The following SH3GL2 variants were observed in gnomAD, a reference collection of about 807,000 sequenced individuals.
SH3GL2 encodes the protein SH3 domain containing GRB2 like 2, endophilin A1.
SH3GL2 carries 24 observed loss-of-function variants against 46.0 expected under a neutral mutation model. The observed-to-expected ratio is 0.52, with a 90% CI of 0.38 to 0.73. The LOEUF (loss-of-function observed/expected upper bound fraction) is 0.73, where lower values mean the gene tolerates loss of function less well. Ranked by LOEUF, SH3GL2 falls within the 30% of genes least tolerant of loss-of-function variation. SH3GL2 has a pLI of 0.00. For missense variants in SH3GL2, 413 were observed against 424.2 expected, an observed-to-expected ratio of 0.97 and a Z score of 0.23; for synonymous variants, 196 against 147.1, an observed-to-expected ratio of 1.33 and a Z score of -2.40.
chr9:17,599,949 T>C (rs1450758068), intron 1 of SH3GL2, among the ~76,000 whole-genome samples: 2 of 152,158 alleles, frequency 1.3e-5, no homozygotes, highest in Non-Finnish European at 2.9e-5. Flanking sequence ...TCTTTTTTTT[T>C]TTTCTAATCT....
At chr9:17,628,774 C>T (rs1416304006) in intron 1 of SH3GL2, among the ~76,000 whole-genome samples, 1 of 151,906 alleles carries the variant, frequency 6.6e-6, no homozygotes, top group African/African-American at 2.4e-5. Flanking sequence ...GGGTAAAATC[C>T]TGCCAACTGC....
At chr9:17,762,604 T>C (rs909515104) in intron 3 of SH3GL2, among the ~76,000 whole-genome samples, 2 of 152,158 alleles carry the variant, frequency 1.3e-5, no homozygotes, top group Non-Finnish European at 2.9e-5. Context: ...GTTGTTTTTG[T>C]TCATAAAACA....
chr9:17,744,814 A>T (rs1822632900), intron 1 of SH3GL2, among the ~76,000 whole-genome samples: 1 of 152,232 alleles, frequency 6.6e-6, no homozygotes, highest in African/African-American at 2.4e-5. Context: ...TATTGATGTC[A>T]GAAAAATCCT....
chr9:17,646,623 C>G (rs749459880), intron 1 of SH3GL2, among the ~76,000 whole-genome samples: 20 of 152,138 alleles, frequency 1.3e-4, no homozygotes, highest in Admixed American at 4.6e-4. Context: ...TTCCTTCTAA[C>G]AGACCTGTCT....
Position 17,769,022 on chromosome 9 carries a change from G to T in SH3GL2, c.187+7513G>T, listed in dbSNP as rs562589648. ...CAGGCACTATTGTTCATGGGGCCTG[G>T]CCAGCCCCTTTGCTTCAATCACTTC... On this transcript the variant is annotated intron_variant, in intron 3 of 8. Coordinates refer to ENST00000380607, the MANE Select transcript of SH3GL2 (RefSeq NM_003026.5). Among the ~76,000 whole-genome samples the T allele has an allele frequency of 2.0e-5, 3 of 152,240 alleles. No individual in the cohort carries two copies. The South Asian group carries it at 6.2e-4, about 32-fold the overall frequency.
chr9:17,732,897 G>T (rs375758455), intron 1 of SH3GL2, among the ~76,000 whole-genome samples: 2 of 152,048 alleles, frequency 1.3e-5, no homozygotes, highest in Non-Finnish European at 2.9e-5. Context: ...ATCCTTTCCT[G>T]GGAACAGAAG....
chr9:17,613,339 A>G (rs1818911479), intron 1 of SH3GL2, among the ~76,000 whole-genome samples: 2 of 152,242 alleles, frequency 1.3e-5, no homozygotes, highest in South Asian at 4.1e-4. Context: ...TATGCCATCC[A>G]TGCTCTGCTG....
intron 2 of SH3GL2, among the ~76,000 whole-genome samples, chr9:17,752,199 A>G (rs1165575928): frequency 6.6e-6 from 1 of 152,118 alleles, no homozygotes; most frequent in Non-Finnish European, 1.5e-5. Context: ...ACTATTAAAA[A>G]CATCACTCTT....
chr9:17,649,325 C>T (rs1399668252), intron 1 of SH3GL2, among the ~76,000 whole-genome samples: 1 of 152,186 alleles, frequency 6.6e-6, no homozygotes, highest in Admixed American at 6.5e-5. Flanking sequence ...CCTTGGCCTC[C>T]CAAAGTGCTG....
At chr9:17,735,840 C>T in intron 1 of SH3GL2, 1 of 487,338 alleles carries the variant, frequency 2.1e-6, no homozygotes, top group South Asian at 8.7e-5. Flanking sequence ...AGGGACATTA[C>T]TCTGCGTATA....
At chr9:17,593,103 CTA>C (rs1442650445) in intron 1 of SH3GL2, among the ~76,000 whole-genome samples, 1 of 152,212 alleles carries the variant, frequency 6.6e-6, no homozygotes, top group Non-Finnish European at 1.5e-5. Flanking sequence ...ATACCTCGAC[CTA>C]TGTGTCTCTT....
Position 17,707,959 on chromosome 9 carries a change from A to C in SH3GL2, c.46-39107A>C, listed in dbSNP as rs1397218682. ...GAGACCTAGAGAGACACATGTTCACACTTGTCCTCTTAGAAGCATGTAGAT... is the reference window on the plus strand; with the variant it reads ...GAGACCTAGAGAGACACATGTTCACCCTTGTCCTCTTAGAAGCATGTAGAT... On this transcript the variant is annotated intron_variant, in intron 1 of 8. Coordinates refer to ENST00000380607, the MANE Select transcript of SH3GL2 (RefSeq NM_003026.5). 2.0e-5 allele frequency among the ~76,000 whole-genome samples: 3 copies of C among 152,108 alleles called. No individual in the cohort carries two copies. In the East Asian group the frequency reaches 5.8e-4, roughly 29 times the overall value.
intron 1 of SH3GL2, among the ~76,000 whole-genome samples, chr9:17,617,191 A>T (rs941576276): frequency 6.6e-6 from 1 of 152,178 alleles, no homozygotes; most frequent in Non-Finnish European, 1.5e-5. Context: ...TTATGCCATG[A>T]TGTATTTAAG....
chr9:17,793,385 T>C lies in SH3GL2; in HGVS notation c.747T>C (p.Ser249=), dbSNP rs114822971. 6.1e-4 allele frequency: 983 copies of C among 1,612,510 alleles called. 4 individuals are homozygous for C. The African/African-American group carries it at 0.011, about 19-fold the overall frequency. The change falls in exon 8 of 9, where the codon TCT becomes TCC. Residue 249 remains serine (S), a synonymous_variant. Coordinates refer to ENST00000380607, the MANE Select transcript of SH3GL2 (RefSeq NM_003026.5). Reference sequence around the variant, plus strand: ...ACTGCAGAATAAGACAGGCTTCATCTCAGCCTAGAAGGGAATATCAACCTA... The same window carrying C: ...ACTGCAGAATAAGACAGGCTTCATCCCAGCCTAGAAGGGAATATCAACCTA... ...RLEERIRQAS[S]QPRREYQPKP...
At chr9:17,645,702 C>T (rs559700212) in intron 1 of SH3GL2, among the ~76,000 whole-genome samples, 414 of 152,270 alleles carry the variant, frequency 2.7e-3, no homozygotes, top group South Asian at 4.1e-3. Context: ...TATTGGCCCC[C>T]ACTGTCTTCT....
At chr9:17,665,095 G>T (rs1048215008) in intron 1 of SH3GL2, among the ~76,000 whole-genome samples, 1 of 152,004 alleles carries the variant, frequency 6.6e-6, no homozygotes, top group Non-Finnish European at 1.5e-5. Flanking sequence ...CATTAGTTCT[G>T]TCTCCCTCGT....
At chr9:17,620,082 A>G (rs1015518974) in intron 1 of SH3GL2, among the ~76,000 whole-genome samples, 2 of 151,916 alleles carry the variant, frequency 1.3e-5, no homozygotes, top group African/African-American at 2.4e-5. Context: ...ATAAAATTTT[A>G]TATTTCAAAA....
intron 1 of SH3GL2, among the ~76,000 whole-genome samples, chr9:17,606,929 C>G: frequency 6.6e-6 from 1 of 152,124 alleles, no homozygotes. Flanking sequence ...TGTGATTTAC[C>G]CAAGTTCTTT....
At chr9:17,624,120 A>T (rs997961923) in intron 1 of SH3GL2, among the ~76,000 whole-genome samples, 5 of 152,038 alleles carry the variant, frequency 3.3e-5, no homozygotes, top group Non-Finnish European at 7.4e-5. Flanking sequence ...TGTCAGTTTG[A>T]GGTTGTTGCT....
Sources: allele counts gnomAD v4.1 joint callset (sites outside exome capture counted in the v4.1 genomes callset), GRCh38; gene constraint gnomAD v4.1.1; transcripts MANE v1.5; gene names NCBI Gene and HGNC (gene_info 2026-07-23, HGNC 2026-07-21).